The following RBMS3 variants were observed in gnomAD, a reference collection of about 807,000 sequenced individuals.
RBMS3 encodes the protein RNA-binding motif, single-stranded-interacting protein 3.
RBMS3 carries 27 observed loss-of-function variants against 66.8 expected under a neutral mutation model. That is an observed-to-expected ratio of 0.40 (90% CI 0.30 to 0.56). The LOEUF is 0.56. Ranked by LOEUF, RBMS3 falls within the 20% of genes least tolerant of loss-of-function variation. The probability of loss-of-function intolerance (pLI) is 0.40; values close to 1 mark genes in which losing one functional copy is unlikely to be tolerated. For missense variants in RBMS3, 513 were observed against 549.5 expected (o/e 0.93, Z 0.66); for synonymous variants, 188 against 183.0 (o/e 1.03, Z -0.22).
chr3:29,377,796 GGGT>G (rs2038555321), intron 1 of RBMS3, among the ~76,000 whole-genome samples: 1 of 152,138 alleles, frequency 6.6e-6, no homozygotes, highest in South Asian at 2.1e-4. Context: ...CCCCAATACT[GGGT>G]TTGGTGCTCA....
chr3:29,715,733 G>T (rs577672591), intron 4 of RBMS3, among the ~76,000 whole-genome samples: 18 of 152,236 alleles, frequency 1.2e-4, no homozygotes, highest in African/African-American at 4.1e-4. Context: ...AGAGGTAAAA[G>T]CATAGAGCCT....
At chr3:29,978,165 G>T (rs779277128) in intron 12 of RBMS3, among the ~76,000 whole-genome samples, 26 of 152,164 alleles carry the variant, frequency 1.7e-4, no homozygotes, top group African/African-American at 5.8e-4. Flanking sequence ...TGCAGAGAAA[G>T]TTCAGAGTTA....
intron 2 of RBMS3, among the ~76,000 whole-genome samples, chr3:29,440,112 G>C (rs2041560868): frequency 6.6e-6 from 1 of 152,074 alleles, no homozygotes; most frequent in African/African-American, 2.4e-5. Context: ...TCTATTTTAT[G>C]ATTCTGAATA....
chr3:29,764,232 CTG>C (rs1221183319), intron 6 of RBMS3, among the ~76,000 whole-genome samples: 1 of 151,978 alleles, frequency 6.6e-6, no homozygotes. Context: ...ACAGTGAAGA[CTG>C]TGCCTTGATT....
At chr3:29,464,825 C>T (rs147424364) in intron 2 of RBMS3, among the ~76,000 whole-genome samples, 1 of 152,158 alleles carries the variant, frequency 6.6e-6, no homozygotes, top group African/African-American at 2.4e-5. Flanking sequence ...GTATCCATGA[C>T]TGCCTTTGTT....
chr3:29,325,060 A>G (rs2035240413), intron 1 of RBMS3, among the ~76,000 whole-genome samples: 1 of 152,186 alleles, frequency 6.6e-6, no homozygotes. Context: ...ATGTCCATTA[A>G]TAGGGGACAA....
intron 3 of RBMS3, among the ~76,000 whole-genome samples, chr3:29,518,545 A>G (rs1229596725): frequency 6.6e-6 from 1 of 152,248 alleles, no homozygotes; most frequent in Non-Finnish European, 1.5e-5. Flanking sequence ...ATCCTTTAAC[A>G]GAAAAGAATA....
At chr3:29,439,042 A>T (rs752494180) in intron 2 of RBMS3, among the ~76,000 whole-genome samples, 11 of 152,194 alleles carry the variant, frequency 7.2e-5, no homozygotes, top group Non-Finnish European at 1.6e-4. Context: ...AAAGTGGAAG[A>T]GCAGCCAGGT....
At chr3:29,949,634 A>T (rs1436258122) in intron 12 of RBMS3, among the ~76,000 whole-genome samples, 1 of 151,816 alleles carries the variant, frequency 6.6e-6, no homozygotes, top group African/African-American at 2.4e-5. Context: ...AAAATCTGAG[A>T]TGGTAGACAT....
At chr3:29,942,547 G>GA (rs111302678) in intron 11 of RBMS3, among the ~76,000 whole-genome samples, 3,047 of 151,102 alleles carry the variant, frequency 0.02, 104 homozygotes, top group African/African-American at 0.068. Context: ...GAAAGAGAAA[G>GA]AAAAAAGGAA....
intron 1 of RBMS3, 70 bp downstream of exon 1, chr3:29,281,826 C>G: frequency 7.5e-7 from 1 of 1,336,586 alleles, no homozygotes; most frequent in Non-Finnish European, 1.1e-6. Flanking sequence ...AACAGACAGG[C>G]GTGTGAATTA....
chr3:29,751,747 G>A (rs2055192644), intron 5 of RBMS3, among the ~76,000 whole-genome samples: 1 of 152,138 alleles, frequency 6.6e-6, no homozygotes, highest in Non-Finnish European at 1.5e-5. Flanking sequence ...AGTTCCCTTG[G>A]TACCTTTGTG....
chr3:29,873,502 A>AT (rs1015417724), intron 7 of RBMS3, among the ~76,000 whole-genome samples: 2 of 151,966 alleles, frequency 1.3e-5, no homozygotes, highest in African/African-American at 4.8e-5. Context: ...AGACTATGGG[A>AT]TTTTTTTAGA....
intron 10 of RBMS3, among the ~76,000 whole-genome samples, chr3:29,913,199 A>G (rs17024608): frequency 0.078 from 11,920 of 152,084 alleles, 529 homozygotes; most frequent in Middle Eastern, 0.14. Flanking sequence ...TTTGATGTGG[A>G]CCATGAGAAT....
intron 10 of RBMS3, among the ~76,000 whole-genome samples, chr3:29,902,174 CCA>C (rs1380638877): frequency 1.3e-5 from 2 of 151,736 alleles, no homozygotes; most frequent in Non-Finnish European, 2.9e-5. Context: ...ACTTTCTGAG[CCA>C]CAGTTTCTCA....
intron 3 of RBMS3, 99 bp from the exon 4 acceptor site, chr3:29,587,015 G>T: frequency 1.2e-6 from 1 of 865,286 alleles, no homozygotes; most frequent in Non-Finnish European, 1.8e-6. Flanking sequence ...TATGTCAGAA[G>T]AAATGAATGC....
chr3:29,900,940 G>T (rs1312827823), intron 10 of RBMS3, among the ~76,000 whole-genome samples: 1 of 151,676 alleles, frequency 6.6e-6, no homozygotes, highest in Non-Finnish European at 1.5e-5. Context: ...AGAGAATCTG[G>T]CTTTCATATC....
intron 3 of RBMS3, among the ~76,000 whole-genome samples, chr3:29,584,750 T>A (rs2047452180): frequency 2.0e-5 from 3 of 152,156 alleles, no homozygotes; most frequent in South Asian, 4.1e-4. Context: ...GCCCTGTTAA[T>A]TCTGCCTCCA....
chr3:29,647,199 G>A (rs1023503822), intron 4 of RBMS3, among the ~76,000 whole-genome samples: 2 of 152,074 alleles, frequency 1.3e-5, no homozygotes, highest in African/African-American at 4.8e-5. Context: ...GGCTGGTCTC[G>A]AACTCCTGAC....
Sources: allele counts gnomAD v4.1 joint callset (sites outside exome capture counted in the v4.1 genomes callset), GRCh38; gene constraint gnomAD v4.1.1; transcripts MANE v1.5; gene names NCBI Gene and HGNC (gene_info 2026-07-23, HGNC 2026-07-21).